TRPM3: variants seen among roughly 807,000 people sequenced by gnomAD.
The protein encoded by TRPM3 is long transient receptor potential channel 3.
In TRPM3, 77 loss-of-function variants were observed where a neutral mutation model predicts 181.2. The ratio of observed to expected loss-of-function variants is 0.42; its 90% CI spans 0.35 to 0.51. The LOEUF (loss-of-function observed/expected upper bound fraction) is 0.51. Ranked by LOEUF, TRPM3 falls within the 20% of genes least tolerant of loss-of-function variation. TRPM3 has a pLI of 0.01. For missense variants in TRPM3, 1,759 were observed against 2,196.7 expected (o/e 0.80, Z 3.98); for synonymous variants, 745 against 796.4 (o/e 0.94, Z 1.09).
At chr9:71,269,563 G>T (rs2083635585) in intron 1 of TRPM3, among the ~76,000 whole-genome samples, 1 of 152,136 alleles carries the variant, frequency 6.6e-6, no homozygotes, top group African/African-American at 2.4e-5. Context: ...CAGTGAGCTG[G>T]GAGAGTGGGC....
At chr9:71,425,776 G>T (rs1196881109) in intron 1 of TRPM3, among the ~76,000 whole-genome samples, 1 of 152,082 alleles carries the variant, frequency 6.6e-6, no homozygotes. Flanking sequence ...TGACCCATAA[G>T]GGGGTACTAT....
intron 1 of TRPM3, among the ~76,000 whole-genome samples, chr9:71,299,288 T>C (rs1298625547): frequency 6.6e-6 from 1 of 152,190 alleles, no homozygotes; most frequent in African/African-American, 2.4e-5. Flanking sequence ...CAAAATCATG[T>C]ATTTATTTTA....
chr9:71,129,182 A>G (rs1172664328), intron 1 of TRPM3, among the ~76,000 whole-genome samples: 1 of 152,234 alleles, frequency 6.6e-6, no homozygotes, highest in Non-Finnish European at 1.5e-5. Context: ...GACAACCAGG[A>G]GCCTTTCATT....
At chr9:70,758,403 G>C (rs1489489787) in intron 8 of TRPM3, among the ~76,000 whole-genome samples, 1 of 152,138 alleles carries the variant, frequency 6.6e-6, no homozygotes, top group Non-Finnish European at 1.5e-5. Context: ...TAGTCATACT[G>C]CCAAAAGTAA....
chr9:71,027,399 AGAGGGT>A (rs1380520509), intron 1 of TRPM3, among the ~76,000 whole-genome samples: 1 of 152,248 alleles, frequency 6.6e-6, no homozygotes, highest in Non-Finnish European at 1.5e-5. Flanking sequence ...TTAAAAAGCC[AGAGGGT>A]CTTCTTTTCT....
chr9:71,258,402 GT>G (rs986218182), intron 1 of TRPM3, among the ~76,000 whole-genome samples: 98 of 152,226 alleles, frequency 6.4e-4, no homozygotes, highest in African/African-American at 2.3e-3. Flanking sequence ...TCAAGCTAAA[GT>G]CCCCATGAAT....
At chr9:70,791,914 C>T (rs1340282343) in intron 6 of TRPM3, among the ~76,000 whole-genome samples, 2 of 152,114 alleles carry the variant, frequency 1.3e-5, no homozygotes, top group South Asian at 2.1e-4. Context: ...TAATGCCCAT[C>T]GACTGGCCTT....
intron 9 of TRPM3, among the ~76,000 whole-genome samples, chr9:70,654,529 C>A (rs970164672): frequency 6.6e-6 from 1 of 152,112 alleles, no homozygotes; most frequent in East Asian, 1.9e-4. Context: ...AGTGGTGACA[C>A]ACTGTGGAGT....
intron 19 of TRPM3, among the ~76,000 whole-genome samples, chr9:70,608,018 A>ATAGTT (rs1457947800): frequency 2.0e-5 from 3 of 152,226 alleles, no homozygotes; most frequent in Non-Finnish European, 2.9e-5. Flanking sequence ...TGAAGGTGTA[A>ATAGTT]CAAGACCAAT....
chr9:71,444,196 A>AAG (rs2094173867), intron 1 of TRPM3, among the ~76,000 whole-genome samples: 1 of 150,378 alleles, frequency 6.6e-6, no homozygotes, highest in East Asian at 2.0e-4. Flanking sequence ...AAAAAAAAAA[A>AAG]CTAATACAAT....
chr9:71,049,000 C>T (rs1016476696), intron 1 of TRPM3, among the ~76,000 whole-genome samples: 2 of 152,182 alleles, frequency 1.3e-5, no homozygotes, highest in African/African-American at 4.8e-5. Context: ...TCCCTTCAAA[C>T]TCACATTCTT....
chr9:70,881,206 C>A (rs2095985868), intron 1 of TRPM3, among the ~76,000 whole-genome samples: 1 of 152,064 alleles, frequency 6.6e-6, no homozygotes, highest in Non-Finnish European at 1.5e-5. Context: ...ACTTTGTTAG[C>A]ATAGGGTACT....
Position 70,535,764 on chromosome 9 carries a change from TG to T in TRPM3, c.*188del. The T allele has an allele frequency of 6.8e-7, 1 of 1,468,582 alleles. No homozygotes were observed. Among genetic ancestry groups the T allele is most frequent in the Non-Finnish European group, 8.9e-7 (1 of 1,118,812 alleles). 91.0% of individuals were successfully genotyped at this position (1,468,582 alleles called of 1,614,324 possible). On this transcript the variant is annotated 3_prime_UTR_variant, in exon 26 of 26. Coordinates refer to ENST00000677713, the MANE Select transcript of TRPM3 (RefSeq NM_001366145.2). ...GCCTTAAATCCCCTGTGTCTGGCAC[TG>T]GGTCAGATCAAATGCTTTCTTGATC... is the stretch of plus-strand genomic sequence containing the variant.
chr9:70,636,073 G>A (rs1362652802), intron 11 of TRPM3, among the ~76,000 whole-genome samples: 1 of 152,126 alleles, frequency 6.6e-6, no homozygotes, highest in Non-Finnish European at 1.5e-5. Context: ...AGGCCTGAGA[G>A]TAAATTAGAC....
At position 70,845,384 on chromosome 9, in the gene TRPM3, C is replaced by T. The variant is rs141306706; in HGVS notation, c.676+994G>A. On this transcript the variant is annotated intron_variant, in intron 4 of 25. Transcript: ENST00000677713. Reference sequence around the variant, plus strand: ...CCTCCTGAGTAGCTGGGACTACAGGCACCTGCCACCACGCCGGGCTAATTT... The same window carrying T: ...CCTCCTGAGTAGCTGGGACTACAGGTACCTGCCACCACGCCGGGCTAATTT... Among the ~76,000 whole-genome samples the T allele has an allele frequency of 1.7e-3, 262 of 152,170 alleles. 1 individual carries two copies. The highest frequency in any genetic ancestry group is 3.0e-3 in the Non-Finnish European group (205 of 68,002).
chr9:71,032,463 C>G (rs1029089496), intron 1 of TRPM3, among the ~76,000 whole-genome samples: 3 of 151,726 alleles, frequency 2.0e-5, no homozygotes, highest in Non-Finnish European at 4.4e-5. Context: ...ATGTGTGTTT[C>G]AAATCTGTTT....
At chr9:70,574,357 C>G (rs932553095) in intron 22 of TRPM3, among the ~76,000 whole-genome samples, 1 of 152,176 alleles carries the variant, frequency 6.6e-6, no homozygotes, top group African/African-American at 2.4e-5. Flanking sequence ...GTACCCTCCC[C>G]TCTGTCTCAG....
At chr9:70,956,903 T>A (rs992013842) in intron 1 of TRPM3, among the ~76,000 whole-genome samples, 3 of 151,528 alleles carry the variant, frequency 2.0e-5, no homozygotes, top group Admixed American at 6.6e-5. Flanking sequence ...AAAAAAAAAA[T>A]TTCTTCTAAA....
At chr9:70,863,399 T>G (rs1019334194) in intron 2 of TRPM3, among the ~76,000 whole-genome samples, 3 of 152,166 alleles carry the variant, frequency 2.0e-5, no homozygotes, top group Non-Finnish European at 2.9e-5. Flanking sequence ...TTGTTCAGGA[T>G]TGGACATCTG....
Sources: allele counts gnomAD v4.1 joint callset (sites outside exome capture counted in the v4.1 genomes callset), GRCh38; gene constraint gnomAD v4.1.1; transcripts MANE v1.5; gene names NCBI Gene and HGNC (gene_info 2026-07-23, HGNC 2026-07-21).